Variants in GLB1L2 observed in about 807,000 individuals in gnomAD.
The protein encoded by GLB1L2 is beta-galactosidase-1-like protein 2.
Under a neutral mutation model 84.1 loss-of-function variants are expected in GLB1L2, and 68 were observed. The observed-to-expected ratio is 0.81, with a 90% CI of 0.67 to 0.99. The LOEUF (loss-of-function observed/expected upper bound fraction) is 0.99, where lower values mean the gene tolerates loss of function less well. GLB1L2 is among the 50% of genes least tolerant of loss of function. GLB1L2 has a pLI of 0.00. For missense variants in GLB1L2, 762 were observed against 805.6 expected (o/e 0.95, Z 0.66); for synonymous variants, 290 against 318.0 (o/e 0.91, Z 0.94).
At chr11:134,373,605 A>G (rs1943985522) in intron 15 of GLB1L2, 116 bp from the exon 16 acceptor site, 5 of 688,260 alleles carry the variant, frequency 7.3e-6, no homozygotes. Context: ...CTTCTCAGGG[A>G]GCGTACACTT....
At position 134,342,968 on chromosome 11, in the gene GLB1L2, T is replaced by C. The variant is rs1943490890; in HGVS notation, c.284+17T>C. 1.9e-6 allele frequency: 3 copies of C among 1,595,458 alleles called. No homozygotes were observed. The highest frequency in any genetic ancestry group is 1.7e-5 in the Admixed American group (1 of 58,652). On this transcript the variant is annotated intron_variant, in intron 2 of 18. Coordinates refer to ENST00000535456, the MANE Select transcript of GLB1L2 (RefSeq NM_001370461.1). ...CCTCACCACGTAGGTGCTGCCCCTG[T>C]CCCCCCGGAGCCTGGTTCCTAAGCA...
intron 7 of GLB1L2, chr11:134,361,285 C>T (rs886904236): frequency 1.3e-5 from 2 of 152,190 alleles, no homozygotes; most frequent in African/African-American, 2.4e-5. Flanking sequence ...CCGATGGTAC[C>T]CCTGCACTCT....
chr11:134,370,468 G>GCCCCCAGCACTCA lies in GLB1L2; in HGVS notation c.1215+70_1215+71insCCCCAGCACTCAC. 3 of 1,252,324 alleles carry GCCCCCAGCACTCA rather than the reference G, an allele frequency of 2.4e-6. No individual in the cohort carries two copies. Among genetic ancestry groups the GCCCCCAGCACTCA allele is most frequent in the Admixed American group, 1.7e-5 (1 of 58,924 alleles). The allele number at this position is 1,252,324 out of a possible 1,614,324, so 77.6% of individuals were successfully genotyped here. A position where few individuals can be genotyped will look rare whatever the true frequency, so the allele number is the denominator to read the frequency against. ...GGCAGTCGTTGGCAGGGAGGTGAGT[G>GCCCCCAGCACTCA]CTGGGGGCAGTCGTCGGCGGGAGGT... On this transcript the variant is annotated intron_variant, in intron 12 of 18. Transcript: ENST00000535456. This position sits in a 1 kb window ranked among gnomAD's most constrained non-coding sequence, Gnocchi z 4.7.
At chr11:134,350,965 T>A (rs61908675) in intron 5 of GLB1L2, among the ~76,000 whole-genome samples, 19,300 of 152,318 alleles carry the variant, frequency 0.13, 1,573 homozygotes, top group Non-Finnish European at 0.19. Context: ...GCATTTAAGA[T>A]CATGTTGTCT....
In GLB1L2 at chr11:134,333,952, A is replaced by G. The variant is rs886573162; in HGVS notation, c.86+1805A>G. Among the ~76,000 whole-genome samples, 5 of 152,134 alleles carry G rather than the reference A, an allele frequency of 3.3e-5. 1 individual carries two copies. Among genetic ancestry groups the G allele is most frequent in the African/African-American group, 4.8e-5 (2 of 41,436 alleles). ...GCCGTGTCTTCAGATCCTGTGGAAT[A>G]CGTGTCTTTTTGGCATCTTTTTGAT... On this transcript the variant is annotated intron_variant, in intron 1 of 18. Transcript: ENST00000535456.
At chr11:134,357,788 G>C (rs1476396598) in intron 6 of GLB1L2, among the ~76,000 whole-genome samples, 1 of 152,246 alleles carries the variant, frequency 6.6e-6, no homozygotes, top group Non-Finnish European at 1.5e-5. Context: ...TGAGGCTGCT[G>C]GGAGAGTGGT....
Position 134,369,825 on chromosome 11 carries a change from G to A in GLB1L2, c.1048G>A (p.Glu350Lys). Residue 350 changes from glutamate to lysine, a missense_variant, in exon 11 of 19, where the codon GAA (glutamate) becomes AAA (lysine). By Grantham distance (56) the Glu-to-Lys change is moderately conservative. Coordinates refer to ENST00000535456, the MANE Select transcript of GLB1L2 (RefSeq NM_001370461.1). ...TSYDYDAVLT[E>K]AGDYTAKYMK... The stretch of plus-strand genomic sequence containing the variant: ...TGCAGACTATGATGCTGTGCTGACA[G>A]AAGCCGGCGATTACACGGCCAAGTA... 6.2e-7 allele frequency: 1 copy of A among 1,613,448 alleles called. No homozygotes were observed. Among genetic ancestry groups the A allele is most frequent in the Non-Finnish European group, 8.5e-7 (1 of 1,179,374 alleles).
In GLB1L2 at chr11:134,342,970, C is replaced by G. The variant is rs780116485; in HGVS notation, c.284+19C>G. On this transcript the variant is annotated intron_variant, in intron 2 of 18. Coordinates refer to ENST00000535456, the MANE Select transcript of GLB1L2 (RefSeq NM_001370461.1). The stretch of plus-strand genomic sequence containing the variant: ...TCACCACGTAGGTGCTGCCCCTGTC[C>G]CCCCGGAGCCTGGTTCCTAAGCAGG... 2.5e-6 allele frequency: 4 copies of G among 1,592,174 alleles called. No individual in the cohort carries two copies. The South Asian group carries it at 3.4e-5, about 13-fold the overall frequency.
intron 1 of GLB1L2, among the ~76,000 whole-genome samples, chr11:134,337,040 A>G (rs906469160): frequency 6.6e-6 from 1 of 152,142 alleles, no homozygotes. Context: ...TTACTTTACT[A>G]TTGGATCTCA....
At position 134,332,045 on chromosome 11, in the gene GLB1L2, C is replaced by A; in HGVS notation, c.-17C>A. 6 of 1,538,812 alleles carry A rather than the reference C, an allele frequency of 3.9e-6. No homozygotes were observed. Among genetic ancestry groups the A allele is most frequent in the Non-Finnish European group, 5.3e-6 (6 of 1,139,192 alleles). On this transcript the variant is annotated 5_prime_UTR_variant, in exon 1 of 19. Transcript: ENST00000535456. ...ACTGGAGTGGGAACCCGGGTCCCCG[C>A]GCTTAGAGAACACGCGATGACCACG...
chr11:134,350,994 T>C (rs927581194), intron 5 of GLB1L2, among the ~76,000 whole-genome samples: 1 of 152,268 alleles, frequency 6.6e-6, no homozygotes, highest in African/African-American at 2.4e-5. Context: ...AGATAACTTC[T>C]TCCTTTCCAA....
intron 1 of GLB1L2, 44 bp downstream of exon 1, chr11:134,332,191 C>T: frequency 7.3e-7 from 1 of 1,365,906 alleles, no homozygotes; most frequent in Non-Finnish European, 1.0e-6. Flanking sequence ...CCCACATTCC[C>T]CAGCCCTCCG....
chr11:134,374,160 A>G lies in GLB1L2; in HGVS notation c.1611A>G (p.Lys537=). ...CTGTCCTTAGGTTCGGCCTGGACAA[A>G]TGGAGTTCCCTCCCAGAAACACCCA... is the stretch of plus-strand genomic sequence containing the variant. The part of the protein sequence containing the change: ...KSFFQRFGLD[K]WSSLPETPTL... The change falls in exon 17 of 19, where the codon AAA becomes AAG. Residue 537 remains lysine (K), a synonymous_variant. Coordinates refer to ENST00000535456, the MANE Select transcript of GLB1L2 (RefSeq NM_001370461.1). 6.2e-7 allele frequency: 1 copy of G among 1,613,576 alleles called. No individual in the cohort carries two copies.
chr11:134,335,785 G>A (rs1290334572), intron 1 of GLB1L2, among the ~76,000 whole-genome samples: 1 of 152,060 alleles, frequency 6.6e-6, no homozygotes, highest in Non-Finnish European at 1.5e-5. Context: ...AGTTCCACGA[G>A]GTCATGTCAG....
intron 7 of GLB1L2, among the ~76,000 whole-genome samples, chr11:134,362,339 T>TCCTTCCCCGGCGCTGCCCGCGTTC (rs1943806110): frequency 9.1e-6 from 1 of 110,450 alleles, no homozygotes; most frequent in Non-Finnish European, 2.0e-5. Context: ...CTGCCCGCGT[T>TCCTTCCCCGGCGCTGCCCGCGTTC]CCTTCCCCGG....
At chr11:134,373,838 ACTCACAGGTATAGTG>A in intron 16 of GLB1L2, 30 bp downstream of exon 16, 7 of 1,459,996 alleles carry the variant, frequency 4.8e-6, no homozygotes, top group Non-Finnish European at 6.7e-6. Flanking sequence ...CAGCCCTTGC[ACTCACAGGTATAGTG>A]CTGTGTGGTG....
chr11:134,342,884 G>A lies in GLB1L2; in HGVS notation c.217G>A (p.Val73Met). The A allele has an allele frequency of 6.2e-7, 1 of 1,614,094 alleles. No homozygotes were observed. Among genetic ancestry groups the A allele is most frequent in the South Asian group, 1.1e-5 (1 of 91,078 alleles). Residue 73 changes from valine to methionine, a missense_variant, in exon 2 of 19, where the codon GTG becomes ATG. Val to Met is a conservative substitution (Grantham distance 21). Coordinates refer to ENST00000535456, the MANE Select transcript of GLB1L2 (RefSeq NM_001370461.1). ...IFGGSIHYFR[V>M]PREYWRDRLL... is the part of the protein sequence containing the mutation. ...CGGGGGCTCCATCCACTATTTCCGT[G>A]TGCCCAGGGAGTACTGGAGGGACCG...
At position 134,359,175 on chromosome 11, in the gene GLB1L2, C is replaced by A. The variant is rs201831404; in HGVS notation, c.733+34C>A. 5 of 1,508,622 alleles carry A rather than the reference C, an allele frequency of 3.3e-6. No homozygotes were observed. In the East Asian group the frequency reaches 1.2e-4, roughly 36 times the overall value. The allele number at this position is 1,508,622 out of a possible 1,614,324, so 93.5% of individuals were successfully genotyped here. On this transcript the variant is annotated intron_variant, in intron 7 of 18. Transcript: ENST00000535456. ...ACTTGTGTTGGGCCGTGGGGGCTGG[C>A]GGCGGCCCTGGGCTGGCTGTGCACG...
chr11:134,364,227 A>C, intron 7 of GLB1L2, 101 bp from the exon 8 acceptor site: 1 of 849,932 alleles, frequency 1.2e-6, no homozygotes, highest in Non-Finnish European at 1.8e-6. Flanking sequence ...AGGGCCGCTT[A>C]CTTTATTGTG....
Sources: gnomAD v4.1 joint callset for allele counts (sites outside exome capture counted in the v4.1 genomes callset) on GRCh38, gnomAD v4.1.1 for gene constraint, Gnocchi (gnomAD v3.1) non-coding constraint, MANE v1.5 for transcripts, NCBI Gene and HGNC (gene_info 2026-07-23, HGNC 2026-07-21) for gene names.